The following UPRT variants were observed in gnomAD, a reference collection of about 807,000 sequenced individuals.
UPRT encodes RP11-311P8.3.
A neutral mutation model predicts 22.6 loss-of-function variants in UPRT; 5 were observed. The ratio of observed to expected loss-of-function variants is 0.22; its 90% CI spans 0.12 to 0.47. The LOEUF (loss-of-function observed/expected upper bound fraction) is 0.47. Ranked by LOEUF, UPRT falls within the 20% of genes least tolerant of loss-of-function variation. The probability of loss-of-function intolerance (pLI) is 0.99; values close to 1 mark genes in which losing one functional copy is unlikely to be tolerated. For synonymous variants in UPRT, 77 were observed against 87.7 expected (o/e 0.88, Z 0.68); for missense variants, 181 against 239.9 (o/e 0.75, Z 1.62).
chrX:75,236,734 C>G (rs1281047800), intron 4 of UPRT, among the ~76,000 whole-genome samples: 2 of 112,452 alleles, frequency 1.8e-5, no homozygotes, highest in Admixed American at 9.4e-5. Context: ...GCTGGGAAAA[C>G]TGGCTAGCCA....
At chrX:75,160,628 C>G (rs952903084) in exon 2 of UPRT, among the ~76,000 whole-genome samples, 2 of 111,784 alleles carry the variant, frequency 1.8e-5, no homozygotes, top group Non-Finnish European at 3.8e-5. Context: ...AGCTCCTGGA[C>G]AAGGGATCCT....
chrX:75,267,236 C>T lies in UPRT; in HGVS notation c.-446-23788C>T, dbSNP rs188632393. 5.4e-4 allele frequency among the ~76,000 whole-genome samples: 60 copies of T among 111,969 alleles called. 1 individual carries two copies. Among genetic ancestry groups the T allele is most frequent in the African/African-American group, 1.8e-3 (57 of 30,850 alleles). On this transcript the variant is annotated intron_variant, in intron 4 of 13. Coordinates refer to the UPRT transcript ENST00000652605. ...GGATTAAGAAAATGTTGCACATATT[C>T]TATGCAGCCATAAAAAAGGATGAGC...
chrX:75,253,620 C>T (rs1204943950), intron 4 of UPRT, among the ~76,000 whole-genome samples: 1 of 111,858 alleles, frequency 8.9e-6, no homozygotes, highest in Non-Finnish European at 1.9e-5. Flanking sequence ...CGTGGAGCCT[C>T]AGATCGTAAA....
intron 4 of UPRT, among the ~76,000 whole-genome samples, chrX:75,298,823 TCTC>T (rs1464132022): frequency 8.9e-6 from 1 of 111,891 alleles, no homozygotes; most frequent in Non-Finnish European, 1.9e-5. Flanking sequence ...TTCAGCTTCT[TCTC>T]TAAAGGCACA....
At chrX:75,157,683 G>A (rs1163470549) in intron 1 of UPRT, among the ~76,000 whole-genome samples, 1 of 111,970 alleles carries the variant, frequency 8.9e-6, no homozygotes, top group Non-Finnish European at 1.9e-5. Flanking sequence ...TGGATTGGAC[G>A]GAGTTCATAT....
chrX:75,241,016 A>G lies in UPRT; in HGVS notation c.-446-50008A>G, dbSNP rs1369919970. On this transcript the variant is annotated intron_variant, in intron 4 of 13. Transcript: ENST00000652605. Reference sequence around the variant, plus strand: ...GAAAAACTCTTCTAAACATTGGCCTAGGCAAAAAATTTATGACCAAGAACC... The same window carrying G: ...GAAAAACTCTTCTAAACATTGGCCTGGGCAAAAAATTTATGACCAAGAACC... 2.7e-5 allele frequency among the ~76,000 whole-genome samples: 3 copies of G among 111,459 alleles called. No homozygotes were observed. In the Admixed American group the frequency reaches 2.9e-4, roughly 11 times the overall value.
At chrX:75,246,373 T>C (rs1440446554) in intron 4 of UPRT, among the ~76,000 whole-genome samples, 3 of 107,770 alleles carry the variant, frequency 2.8e-5, no homozygotes, top group Non-Finnish European at 5.7e-5. Flanking sequence ...TTTGTCCTTG[T>C]GATAGTTTGC....
At chrX:75,216,404 A>G (rs776891472) in intron 4 of UPRT, among the ~76,000 whole-genome samples, 2 of 112,552 alleles carry the variant, frequency 1.8e-5, no homozygotes, top group African/African-American at 3.2e-5. Flanking sequence ...TTAACATCAT[A>G]CTTACCAGTG....
chrX:75,262,512 C>T lies in UPRT; in HGVS notation c.-446-28512C>T, dbSNP rs777496320. ...GCAAATTGGATGAAGATTCAAGACC[C>T]ATCGGTGTGCTGTATTCAGAAGACC... On this transcript the variant is annotated intron_variant, in intron 4 of 13. Coordinates refer to the UPRT transcript ENST00000652605. 5.4e-5 allele frequency among the ~76,000 whole-genome samples: 6 copies of T among 111,560 alleles called. No homozygotes were observed. The South Asian group carries it at 2.3e-3, about 42-fold the overall frequency.
intron 4 of UPRT, among the ~76,000 whole-genome samples, chrX:75,202,530 T>G (rs1182023144): frequency 2.7e-5 from 3 of 112,355 alleles, no homozygotes; most frequent in African/African-American, 9.7e-5. Context: ...AAAATAATTA[T>G]AACTGATATG....
intron 4 of UPRT, among the ~76,000 whole-genome samples, chrX:75,233,657 A>C (rs748453445): frequency 2.3e-3 from 259 of 111,430 alleles, no homozygotes; most frequent in Admixed American, 4.3e-3. Flanking sequence ...AAAGAATTTT[A>C]AACCCAGAAT....
At chrX:75,194,405 A>G (rs764000212) in intron 4 of UPRT, among the ~76,000 whole-genome samples, 1 of 111,294 alleles carries the variant, frequency 9.0e-6, no homozygotes, top group East Asian at 2.8e-4. Flanking sequence ...AGTGCTTTGT[A>G]GGGTGGCGGT....
chrX:75,172,227 G>A (rs749266565), intron 4 of UPRT, among the ~76,000 whole-genome samples: 3 of 111,014 alleles, frequency 2.7e-5, no homozygotes, highest in Non-Finnish European at 3.8e-5. Context: ...AGGCATGTAC[G>A]AGCTCAGACT....
chrX:75,177,304 T>C (rs6655565), intron 4 of UPRT, among the ~76,000 whole-genome samples: 3,141 of 89,943 alleles, frequency 0.035, 152 homozygotes, highest in East Asian at 0.27. Flanking sequence ...TAGTTGCACT[T>C]ACCGACGCAG....
chrX:75,182,173 G>A (rs1399022516), intron 4 of UPRT, among the ~76,000 whole-genome samples: 1 of 112,173 alleles, frequency 8.9e-6, no homozygotes, highest in Admixed American at 9.5e-5. Flanking sequence ...ATTTGCATAT[G>A]TTGAACCAAC....
At chrX:75,181,263 GTA>G (rs2082269324) in intron 4 of UPRT, among the ~76,000 whole-genome samples, 1 of 111,599 alleles carries the variant, frequency 9.0e-6, no homozygotes, top group African/African-American at 3.3e-5. Context: ...GTACCTTGTA[GTA>G]TAGTTTGAAA....
intron 4 of UPRT, among the ~76,000 whole-genome samples, chrX:75,187,006 C>A (rs2082295140): frequency 9.0e-6 from 1 of 111,420 alleles, no homozygotes; most frequent in Non-Finnish European, 1.9e-5. Flanking sequence ...TTAATTGGAG[C>A]ATTTAGTCCA....
intron 4 of UPRT, among the ~76,000 whole-genome samples, chrX:75,257,272 T>C (rs1194483649): frequency 8.9e-6 from 1 of 111,949 alleles, no homozygotes; most frequent in Non-Finnish European, 1.9e-5. Context: ...AAAAATCACA[T>C]GATCATCTCA....
At chrX:75,292,515 A>G (rs2082711951) in intron 1 of UPRT, among the ~76,000 whole-genome samples, 1 of 111,863 alleles carries the variant, frequency 8.9e-6, no homozygotes, top group African/African-American at 3.2e-5. Context: ...TTTCCATCTC[A>G]GGGAAATCAA....
Sources: allele counts gnomAD v4.1 joint callset (sites outside exome capture counted in the v4.1 genomes callset), GRCh38; gene constraint gnomAD v4.1.1; transcripts MANE v1.5; gene names NCBI Gene and HGNC (gene_info 2026-07-23, HGNC 2026-07-21).